Variants in LINGO2 observed in about 807,000 individuals in gnomAD.
LINGO2 encodes leucine rich repeat and Ig domain containing 2.
Under a neutral mutation model 30.6 loss-of-function variants are expected in LINGO2, and 14 were observed. The ratio of observed to expected loss-of-function variants is 0.46; its 90% CI spans 0.30 to 0.72. LINGO2 has a LOEUF of 0.72. Ranked by LOEUF, LINGO2 falls within the 30% of genes least tolerant of loss-of-function variation. The probability of loss-of-function intolerance (pLI) is 0.07; values close to 1 mark genes in which losing one functional copy is unlikely to be tolerated. For missense variants in LINGO2, 729 were observed against 751.7 expected, an observed-to-expected ratio of 0.97 and a Z score of 0.35; for synonymous variants, 317 against 288.5, an observed-to-expected ratio of 1.10 and a Z score of -1.00.
At chr9:28,250,607 C>G (rs67751306) in intron 4 of LINGO2, among the ~76,000 whole-genome samples, 1,838 of 152,242 alleles carry the variant, frequency 0.012, 12 homozygotes, top group Middle Eastern at 0.031. Flanking sequence ...GTCCCCATCC[C>G]CGCTCATGAT....
chr9:28,040,667 C>T (rs1356785304), intron 4 of LINGO2, among the ~76,000 whole-genome samples: 1 of 152,032 alleles, frequency 6.6e-6, no homozygotes, highest in African/African-American at 2.4e-5. Context: ...CTAATAGCTG[C>T]TTTGCCTTGA....
the LINGO2 span, among the ~76,000 whole-genome samples, chr9:29,082,444 G>T: frequency 6.6e-6 from 1 of 152,122 alleles, no homozygotes; most frequent in African/African-American, 2.4e-5. Context: ...ATGGCTTAAA[G>T]ACTTAAACGT....
chr9:28,613,873 A>G (rs2033789), intron 1 of LINGO2, among the ~76,000 whole-genome samples: 149,003 of 152,260 alleles, frequency 0.98, 72,970 homozygotes, highest in East Asian at 1. Flanking sequence ...TTAAATACTT[A>G]TGGATATCCA....
the LINGO2 span, among the ~76,000 whole-genome samples, chr9:28,686,882 C>T: frequency 2.0e-5 from 3 of 152,018 alleles, no homozygotes; most frequent in Middle Eastern, 3.4e-3. Context: ...AATTTTGAAA[C>T]GGTGGAATTT....
chr9:28,111,711 T>A (rs983092670), intron 4 of LINGO2, among the ~76,000 whole-genome samples: 1 of 152,124 alleles, frequency 6.6e-6, no homozygotes, highest in Non-Finnish European at 1.5e-5. Context: ...TGCAAAGGGC[T>A]TCACCCATAT....
chr9:28,029,418 C>T (rs1454409897), intron 4 of LINGO2, among the ~76,000 whole-genome samples: 1 of 152,080 alleles, frequency 6.6e-6, no homozygotes, highest in South Asian at 2.1e-4. Context: ...CAGAGCTACT[C>T]GGTTAACAGA....
chr9:29,085,970 G>C, the LINGO2 span, among the ~76,000 whole-genome samples: 66,275 of 151,898 alleles, frequency 0.44, 14,676 homozygotes, highest in East Asian at 0.55. Context: ...ATTTGTGCCC[G>C]TTGGATCAAC....
intron 1 of LINGO2, among the ~76,000 whole-genome samples, chr9:28,612,015 T>C (rs907085553): frequency 3.3e-5 from 5 of 151,914 alleles, no homozygotes; most frequent in African/African-American, 9.6e-5. Flanking sequence ...AGAGACAGGG[T>C]TCCTCGGCCT....
At chr9:28,561,367 T>C (rs1823047942) in intron 1 of LINGO2, among the ~76,000 whole-genome samples, 1 of 151,842 alleles carries the variant, frequency 6.6e-6, no homozygotes, top group Admixed American at 6.6e-5. Flanking sequence ...CTGAGTATCA[T>C]AGGGAATCTG....
intron 2 of LINGO2, among the ~76,000 whole-genome samples, chr9:28,405,557 T>C (rs1385490084): frequency 6.6e-6 from 1 of 152,204 alleles, no homozygotes; most frequent in East Asian, 1.9e-4. Flanking sequence ...CTATCACTAT[T>C]AGATTTGTAG....
At chr9:28,019,321 T>TTTC (rs1822998021) in intron 4 of LINGO2, among the ~76,000 whole-genome samples, 2 of 144,344 alleles carry the variant, frequency 1.4e-5, no homozygotes, top group Admixed American at 1.4e-4. Flanking sequence ...GAATATATGT[T>TTTC]TTTTTTTTTC....
chr9:28,897,244 G>A, the LINGO2 span, among the ~76,000 whole-genome samples: 69 of 152,284 alleles, frequency 4.5e-4, no homozygotes, highest in African/African-American at 1.3e-3. Flanking sequence ...TTAGCACACA[G>A]AGGCTAAAGG....
intron 5 of LINGO2, among the ~76,000 whole-genome samples, chr9:27,997,354 G>A (rs977373774): frequency 1.3e-5 from 2 of 152,044 alleles, no homozygotes; most frequent in African/African-American, 2.4e-5. Flanking sequence ...TTCATTTTGC[G>A]GTAAAATTCC....
intron 4 of LINGO2, among the ~76,000 whole-genome samples, chr9:28,096,884 T>C (rs1385546443): frequency 3.3e-5 from 5 of 152,172 alleles, no homozygotes; most frequent in African/African-American, 4.8e-5. Flanking sequence ...TAAAATGTTT[T>C]CATGCTTAAC....
chr9:28,898,570 C>A, the LINGO2 span, among the ~76,000 whole-genome samples: 1 of 152,076 alleles, frequency 6.6e-6, no homozygotes, highest in Non-Finnish European at 1.5e-5. Context: ...CTGGCTAAAT[C>A]ATAGTAATCG....
Position 28,028,813 on chromosome 9 carries a change from T to C in LINGO2, c.-86-16408A>G, listed in dbSNP as rs980450187. ...ATCCATGGATGAGAATCCACAGATATGGAGGGCTGCCTACACTCATATAGG... is the reference window on the plus strand; with the variant it reads ...ATCCATGGATGAGAATCCACAGATACGGAGGGCTGCCTACACTCATATAGG... On this transcript the variant is annotated intron_variant, in intron 4 of 5. Coordinates refer to ENST00000379992, the Ensembl canonical transcript of LINGO2. 4.6e-5 allele frequency among the ~76,000 whole-genome samples: 7 copies of C among 152,142 alleles called. 1 individual carries two copies. Among genetic ancestry groups the C allele is most frequent in the East Asian group, 3.9e-4 (2 of 5,188 alleles).
At chr9:28,017,219 C>G (rs1822883925) in intron 4 of LINGO2, among the ~76,000 whole-genome samples, 1 of 152,126 alleles carries the variant, frequency 6.6e-6, no homozygotes, top group African/African-American at 2.4e-5. Flanking sequence ...CTATGACAAA[C>G]CCACAGCCAA....
intron 1 of LINGO2, among the ~76,000 whole-genome samples, chr9:28,591,938 G>C (rs1824933905): frequency 6.6e-6 from 1 of 151,996 alleles, no homozygotes; most frequent in South Asian, 2.1e-4. Context: ...CTTCCTGGCA[G>C]CAATCACAAT....
At chr9:28,660,481 A>C (rs1382051758) in intron 1 of LINGO2, among the ~76,000 whole-genome samples, 2 of 152,148 alleles carry the variant, frequency 1.3e-5, no homozygotes, top group African/African-American at 4.8e-5. Flanking sequence ...AGTGGCAGAG[A>C]AGCAGTATGG....
Sources: allele counts gnomAD v4.1 joint callset (sites outside exome capture counted in the v4.1 genomes callset), GRCh38; gene constraint gnomAD v4.1.1; transcripts MANE v1.5; gene names NCBI Gene and HGNC (gene_info 2026-07-23, HGNC 2026-07-21).